Variants in DENND4A observed in about 807,000 individuals in gnomAD.
The protein encoded by DENND4A is DENN domain containing 4A.
A neutral mutation model predicts 199.3 loss-of-function variants in DENND4A; 70 were observed. The observed-to-expected ratio is 0.35, with a 90% CI of 0.29 to 0.43. DENND4A has a LOEUF of 0.43. Ranked by LOEUF, DENND4A falls within the 20% of genes least tolerant of loss-of-function variation. DENND4A has a pLI of 1.00. For synonymous variants in DENND4A, 686 were observed against 766.9 expected (o/e 0.89, Z 1.74); for missense variants, 1,723 against 2,255.8 (o/e 0.76, Z 4.78).
chr15:65,788,313 G>A lies in DENND4A; in HGVS notation c.-102+3697C>T, dbSNP rs550071890. Among the ~76,000 whole-genome samples, 4 of 152,220 alleles carry A rather than the reference G, an allele frequency of 2.6e-5. No homozygotes were observed. In the South Asian group the frequency reaches 8.3e-4, roughly 32 times the overall value. ...GATGGTCTCGATCTCCTGACCTTGC[G>A]ATCCGCCCACCTCGGCCTCCCAAAG... On this transcript the variant is annotated intron_variant, in intron 1 of 32. Transcript: ENST00000443035.
chr15:65,698,726 CTTTTTTTTTTTT>C (rs71139423), intron 20 of DENND4A, among the ~76,000 whole-genome samples: 6 of 72,760 alleles, frequency 8.2e-5, no homozygotes, highest in South Asian at 5.8e-4. Flanking sequence ...TTAAGATAGC[CTTTTTTTTTTTT>C]TTTTTTTTTT....
At chr15:65,692,535 T>A (rs1016000814) in intron 22 of DENND4A, among the ~76,000 whole-genome samples, 3 of 152,204 alleles carry the variant, frequency 2.0e-5, no homozygotes, top group Admixed American at 6.5e-5. Flanking sequence ...CCTTTTCTTG[T>A]CATGTGATGC....
chr15:65,790,503 T>C (rs1435262467), intron 1 of DENND4A, among the ~76,000 whole-genome samples: 1 of 152,032 alleles, frequency 6.6e-6, no homozygotes, highest in Non-Finnish European at 1.5e-5. Flanking sequence ...AAAATTAAAC[T>C]CCACAGTGAA....
At position 65,748,296 on chromosome 15, in the gene DENND4A, T is replaced by A. The variant is rs567255649; in HGVS notation, c.561+4083A>T. Among the ~76,000 whole-genome samples, 3 of 150,166 alleles carry A rather than the reference T, an allele frequency of 2.0e-5. No homozygotes were observed. In the East Asian group the frequency reaches 5.9e-4, roughly 29 times the overall value. ...TAAACAAAATCCACGCAAGATAGGGTGAGAAAAAATAAAATAAAATAAAAA... is the reference window on the plus strand; with the variant it reads ...TAAACAAAATCCACGCAAGATAGGGAGAGAAAAAATAAAATAAAATAAAAA... On this transcript the variant is annotated intron_variant, in intron 4 of 32. Transcript: ENST00000443035.
rs761356064 is a variant in DENND4A, at chr15:65,676,606, G to C, written c.4208C>G (p.Ser1403Cys). 1.4e-5 allele frequency: 22 copies of C among 1,612,850 alleles called. No homozygotes were observed. The East Asian group carries it at 4.9e-4, about 36-fold the overall frequency. Residue 1403 changes from serine (S) to cysteine (C), a missense_variant, in exon 24 of 33, where the codon TCT becomes TGT. Coordinates refer to ENST00000443035, the MANE Select transcript of DENND4A (RefSeq NM_001320835.1). ...KDQSSDRTSL[S>C]SVGAQDSEST... Reference sequence around the variant, plus strand: ...TTCAGAATCCTGGGCTCCCACTGAAGAAAGACTGGTACGATCAGAACTTTG... The same window carrying C: ...TTCAGAATCCTGGGCTCCCACTGAACAAAGACTGGTACGATCAGAACTTTG...
intron 11 of DENND4A, among the ~76,000 whole-genome samples, chr15:65,727,120 C>T (rs2075823633): frequency 6.6e-6 from 1 of 151,814 alleles, no homozygotes; most frequent in South Asian, 2.1e-4. Context: ...TCCAAACCAG[C>T]CGGGACAACA....
intron 25 of DENND4A, among the ~76,000 whole-genome samples, chr15:65,671,536 C>T (rs952031787): frequency 2.0e-5 from 3 of 152,268 alleles, no homozygotes; most frequent in Admixed American, 2.0e-4. Context: ...ATTACAGGTG[C>T]CTGCCACCAT....
intron 13 of DENND4A, among the ~76,000 whole-genome samples, chr15:65,716,416 C>G (rs1433162515): frequency 3.4e-5 from 4 of 119,048 alleles, no homozygotes; most frequent in African/African-American, 1.3e-4. Flanking sequence ...CCACAACAGT[C>G]CCCAGAGTGT....
At chr15:65,711,617 A>T (rs932524326) in intron 14 of DENND4A, among the ~76,000 whole-genome samples, 23 of 152,220 alleles carry the variant, frequency 1.5e-4, no homozygotes, top group African/African-American at 4.6e-4. Context: ...GTAGAAAATA[A>T]ATCTTCCCCC....
rs61418354 is a variant in DENND4A, at chr15:65,752,281, CAAAAAAAAAAAAA to C, written c.561+85_561+97del. ...TCTGTAATTAAACTATGCTGTTTTC[CAAAAAAAAAAAAA>C]AAAAAAAAAAAAAAAAAAAGATGTA... On this transcript the variant is annotated intron_variant, in intron 4 of 32. Coordinates refer to ENST00000443035, the MANE Select transcript of DENND4A (RefSeq NM_001320835.1). The C allele has an allele frequency of 2.9e-4, 79 of 272,672 alleles. 1 individual carries two copies. The highest frequency in any genetic ancestry group is 1.8e-3 in the African/African-American group (31 of 16,796). The allele number at this position is 272,672 out of a possible 1,614,324, so 16.9% of individuals were successfully genotyped here.
Position 65,664,361 on chromosome 15 carries a change from A to C in DENND4A, c.5556T>G (p.Leu1852=). ...SLYREILFLS[L]VALGRENIDI... is the part of the protein sequence containing the mutation. ...CAATGTTTTCTCTTCCCAGTGCCACAAGTGAGAGAAATAGTATTTCTCTGT... is the reference window on the plus strand; with the variant it reads ...CAATGTTTTCTCTTCCCAGTGCCACCAGTGAGAGAAATAGTATTTCTCTGT... The change falls in exon 32 of 33, where the codon CTT becomes CTG. Residue 1852 remains leucine (L), a synonymous_variant. Coordinates refer to ENST00000443035, the MANE Select transcript of DENND4A (RefSeq NM_001320835.1). The C allele has an allele frequency of 6.2e-7, 1 of 1,600,816 alleles. No homozygotes were observed. Among genetic ancestry groups the C allele is most frequent in the Non-Finnish European group, 8.5e-7 (1 of 1,172,102 alleles).
intron 2 of DENND4A, among the ~76,000 whole-genome samples, chr15:65,758,233 T>G (rs926036427): frequency 6.6e-6 from 1 of 152,174 alleles, no homozygotes; most frequent in Non-Finnish European, 1.5e-5. Context: ...TTACAACAGA[T>G]TCAAAGAAAA....
chr15:65,727,816 A>G (rs935842338), intron 11 of DENND4A: 2 of 400,260 alleles, frequency 5.0e-6, no homozygotes, highest in Non-Finnish European at 9.6e-6. Context: ...ACACAAAACA[A>G]TACAGAATTA....
intron 9 of DENND4A, among the ~76,000 whole-genome samples, chr15:65,730,096 CA>C (rs1203240993): frequency 6.6e-6 from 1 of 152,056 alleles, no homozygotes; most frequent in Non-Finnish European, 1.5e-5. Flanking sequence ...TCAGAAAAAC[CA>C]TATGACTTAC....
At position 65,729,146 on chromosome 15, in the gene DENND4A, A is replaced by G; in HGVS notation, c.1413T>C (p.Asp471=). ...GATCATAGAGATCAAAGTATCTTGA[A>G]TCAATCCCTACTATGAATGGACATG... ...SAPCPFIVGI[D]SRYFDLYDPP... Residue 471 remains aspartate (D), a synonymous_variant, in exon 11 of 33, where the codon GAT becomes GAC. Coordinates refer to ENST00000443035, the MANE Select transcript of DENND4A (RefSeq NM_001320835.1). 1 of 1,591,508 alleles carries G rather than the reference A, an allele frequency of 6.3e-7. No individual in the cohort carries two copies. Among genetic ancestry groups the G allele is most frequent in the Non-Finnish European group, 8.6e-7 (1 of 1,167,838 alleles).
intron 23 of DENND4A, chr15:65,681,240 C>A (rs1435409421): frequency 6.6e-6 from 1 of 152,186 alleles, no homozygotes; most frequent in East Asian, 1.9e-4. Flanking sequence ...AAGTCCTGAA[C>A]CCCTCAAAAT....
rs565108715 is a variant in DENND4A at position 65,700,468 on chromosome 15, A to G, written c.2833+76T>C. 7.3e-6 allele frequency: 7 copies of G among 959,876 alleles called. No homozygotes were observed. The East Asian group carries it at 2.0e-4, about 28-fold the overall frequency. The allele number at this position is 959,876 out of a possible 1,614,324, so 59.5% of individuals were successfully genotyped here. A position where few individuals can be genotyped will look rare whatever the true frequency, so the allele number is the denominator to read the frequency against. On this transcript the variant is annotated intron_variant, in intron 20 of 32. Transcript: ENST00000443035. ...CAGTTAAACATCACTGAAAATGAAA[A>G]TGTAAAAAAACATAGGCTAGCAAAT...
At position 65,691,475 on chromosome 15, in the gene DENND4A, TC is replaced by T; in HGVS notation, c.3118del (p.Glu1040LysfsTer44). ...AATGTTTCGTGTTTCATTTGTATCT[TC>T]AAGAGATGATATTAAGAGCAGCTCA... ...TPELLLISSL[E>X]DTNETRNIQS... On this transcript the variant is annotated frameshift_variant, in exon 23 of 33. Transcript: ENST00000443035. LOFTEE classifies it high-confidence loss of function. 1 of 1,611,244 alleles carries T rather than the reference TC, an allele frequency of 6.2e-7. No homozygotes were observed. Among genetic ancestry groups the T allele is most frequent in the African/African-American group, 1.3e-5 (1 of 74,984 alleles).
In DENND4A at chr15:65,706,161, G is replaced by A; in HGVS notation, c.2017C>T (p.His673Tyr). 1.2e-6 allele frequency: 2 copies of A among 1,607,024 alleles called. No individual in the cohort carries two copies. Among genetic ancestry groups the A allele is most frequent in the African/African-American group, 1.3e-5 (1 of 74,764 alleles). ...IELDESFKSE[H>Y]TVFVTPPEIP... ...TCAGGTGGTGTTACAAAAACAGTGT[G>A]TTCACTTTTGAAAGATTCATCCAGT... The change falls in exon 15 of 33, where the codon CAC (histidine) becomes TAC (tyrosine). Residue 673 changes from histidine (H) to tyrosine (Y), a missense_variant. His to Tyr is a moderately conservative substitution (Grantham distance 83). Transcript: ENST00000443035.
Sources: allele counts gnomAD v4.1 joint callset (sites outside exome capture counted in the v4.1 genomes callset), GRCh38; gene constraint gnomAD v4.1.1; transcripts MANE v1.5; gene names NCBI Gene and HGNC (gene_info 2026-07-23, HGNC 2026-07-21).